The following USP16 variants were observed in gnomAD, a reference collection of about 807,000 sequenced individuals.
USP16 encodes the protein ubiquitin specific peptidase 16, also known as ubiquitin carboxyl-terminal hydrolase 16.
USP16 carries 77 observed loss-of-function variants against 95.9 expected under a neutral mutation model. The ratio of observed to expected loss-of-function variants is 0.80; its 90% confidence interval spans 0.67 to 0.97. The LOEUF (loss-of-function observed/expected upper bound fraction) is 0.97. USP16 is among the 50% of genes least tolerant of loss of function. The pLI is 0.00. For synonymous variants in USP16, 303 were observed against 318.2 expected (o/e 0.95, Z 0.51); for missense variants, 943 against 959.9 (o/e 0.98, Z 0.23).
chr21:29,043,377 G>C (rs745767880), intron 12 of USP16, 46 bp from the exon 13 acceptor site: 28 of 1,285,442 alleles, frequency 2.2e-5, no homozygotes. Context: ...TCACCAAATG[G>C]TAGTTGTAAA....
At position 29,047,118 on chromosome 21, in the gene USP16, C is replaced by T; in HGVS notation, c.1808C>T (p.Thr603Ile). Residue 603 changes from threonine (T) to isoleucine (I), a missense_variant, in exon 14 of 18, where the codon ACA becomes ATA. Transcript: ENST00000399976. ...CTGAATGATAGTCATACTCCTGGAACAAAGGTGTATGAGGTTGTAAATGAA... is the reference window on the plus strand; with the variant it reads ...CTGAATGATAGTCATACTCCTGGAATAAAGGTGTATGAGGTTGTAAATGAA... ...EILNDSHTPG[T>I]KVYEVVNEDP... The T allele has an allele frequency of 6.2e-7, 1 of 1,614,032 alleles. No individual in the cohort carries two copies. The highest frequency in any genetic ancestry group is 2.2e-5 in the East Asian group (1 of 44,868).
In USP16 at chr21:29,039,099, A is replaced by G. The variant is rs1355635636; in HGVS notation, c.806A>G (p.Gln269Arg). 6 of 1,589,282 alleles carry G rather than the reference A, an allele frequency of 3.8e-6. No homozygotes were observed. Among genetic ancestry groups the G allele is most frequent in the South Asian group, 2.3e-5 (2 of 87,898 alleles). The change falls in exon 8 of 18, where the codon CAA becomes CGA. Residue 269 changes from glutamine (Q) to arginine (R), a missense_variant. Transcript: ENST00000399976. ...ATGAGCCAGTTTCTTAATGAGATGC[A>G]AGAGACCAAAAAGGGGGTTGTGACA... Reference protein sequence around the residue: ...LAMSQFLNEMQETKKGVVTPK... With the variant: ...LAMSQFLNEMRETKKGVVTPK...
chr21:29,029,885 T>G (rs2085052916), intron 2 of USP16, among the ~76,000 whole-genome samples: 1 of 152,224 alleles, frequency 6.6e-6, no homozygotes, highest in Non-Finnish European at 1.5e-5. Flanking sequence ...AGTTTTCTCA[T>G]TTGTCATTGG....
Position 29,042,028 on chromosome 21 carries a change from A to G in USP16, c.1046A>G (p.Lys349Arg). 6.2e-7 allele frequency: 1 copy of G among 1,613,154 alleles called. No individual in the cohort carries two copies. Among genetic ancestry groups the G allele is most frequent in the South Asian group, 1.1e-5 (1 of 91,028 alleles). The part of the protein sequence containing the change: ...KNKVKDYEKK[K>R]SMPSFVDRIF... ...TTCTCCATAGATTATGAGAAGAAAA[A>G]ATCAATGCCAAGTTTTGTTGACCGC... Residue 349 changes from lysine (K) to arginine (R), a missense_variant, in exon 11 of 18, where the codon AAA becomes AGA. Lys to Arg is a conservative substitution (Grantham distance 26). Transcript: ENST00000399976.
In USP16 at chr21:29,048,826, C is replaced by T; in HGVS notation, c.2077C>T (p.Leu693Phe). Residue 693 changes from leucine to phenylalanine, a missense_variant, in exon 15 of 18, where the codon CTT (leucine) becomes TTT (phenylalanine). Leu to Phe is a conservative substitution (Grantham distance 22). Transcript: ENST00000399976. ...GCTAATTTCTCTTGCTCCTCCTGTT[C>T]TTACTCTTCATTTAAAGAGATTTCA... ...QMLISLAPPVLTLHLKRFQQA... is the reference protein window; with the variant it reads ...QMLISLAPPVFTLHLKRFQQA... 6.2e-7 allele frequency: 1 copy of T among 1,613,832 alleles called. No homozygotes were observed. The highest frequency in any genetic ancestry group is 8.5e-7 in the Non-Finnish European group (1 of 1,179,912).
intron 15 of USP16, among the ~76,000 whole-genome samples, chr21:29,049,662 C>T (rs984577902): frequency 2.1e-4 from 32 of 152,168 alleles, no homozygotes; most frequent in African/African-American, 5.8e-4. Context: ...CAGTCTCAAG[C>T]GATCCTCCCA....
At chr21:29,034,242 A>T (rs1358407004) in intron 3 of USP16, among the ~76,000 whole-genome samples, 1 of 151,748 alleles carries the variant, frequency 6.6e-6, no homozygotes, top group Non-Finnish European at 1.5e-5. Flanking sequence ...TGACTGCATT[A>T]GTGTGGTTTA....
chr21:29,052,498 G>A (rs1359797163), intron 16 of USP16: 1 of 152,134 alleles, frequency 6.6e-6, no homozygotes, highest in Non-Finnish European at 1.5e-5. Flanking sequence ...TCACTATCAA[G>A]AATAAGGATG....
At chr21:29,048,064 T>C (rs968991032) in intron 14 of USP16, among the ~76,000 whole-genome samples, 31 of 148,316 alleles carry the variant, frequency 2.1e-4, no homozygotes, top group African/African-American at 7.8e-4. Context: ...TGTGTGTGTG[T>C]GTGTGTGTGT....
chr21:29,047,066 C>T lies in USP16; in HGVS notation c.1756C>T (p.His586Tyr). 6.2e-7 allele frequency: 1 copy of T among 1,614,054 alleles called. No homozygotes were observed. Among genetic ancestry groups the T allele is most frequent in the Non-Finnish European group, 8.5e-7 (1 of 1,180,012 alleles). Reference sequence around the variant, plus strand: ...AAACCTAAATTTGAATGCTGCTCTTCATCCTGATGAAATAAATATAGAGAT... The same window carrying T: ...AAACCTAAATTTGAATGCTGCTCTTTATCCTGATGAAATAAATATAGAGAT... ...FKNLNLNAAL[H>Y]PDEINIEILN... Residue 586 changes from histidine (H) to tyrosine (Y), a missense_variant, in exon 14 of 18, where the codon CAT becomes TAT. Coordinates refer to ENST00000399976, the MANE Select transcript of USP16 (RefSeq NM_006447.3).
intron 13 of USP16, among the ~76,000 whole-genome samples, chr21:29,044,926 AGAAGAGG>A (rs1203684632): frequency 1.3e-5 from 2 of 152,114 alleles, no homozygotes; most frequent in African/African-American, 4.8e-5. Flanking sequence ...GTAAATTTTG[AGAAGAGG>A]GATTGCATTT....
chr21:29,032,851 CTG>C (rs1358563914), intron 3 of USP16, among the ~76,000 whole-genome samples: 2 of 152,090 alleles, frequency 1.3e-5, no homozygotes, highest in Non-Finnish European at 2.9e-5. Context: ...AACTGCCAAA[CTG>C]TTTTTTCACA....
At chr21:29,051,786 C>T (rs1253069457) in intron 16 of USP16, among the ~76,000 whole-genome samples, 5 of 151,462 alleles carry the variant, frequency 3.3e-5, no homozygotes, top group South Asian at 2.1e-4. Flanking sequence ...GCCGAGATTG[C>T]GTCACTGCAC....
chr21:29,044,236 C>T lies in USP16; in HGVS notation c.1356+637C>T, dbSNP rs530530015. Among the ~76,000 whole-genome samples the T allele has an allele frequency of 8.6e-5, 13 of 152,024 alleles. No individual in the cohort carries two copies. The South Asian group carries it at 2.7e-3, about 32-fold the overall frequency. The stretch of plus-strand genomic sequence containing the variant: ...GGCATGAGCCACCGCGCCCGGCCGA[C>T]CACCACTTTCCTTTTATGACAAAGA... On this transcript the variant is annotated intron_variant, in intron 13 of 17. Coordinates refer to ENST00000399976, the MANE Select transcript of USP16 (RefSeq NM_006447.3).
chr21:29,025,143 C>T (rs2084967731), intron 1 of USP16, among the ~76,000 whole-genome samples: 2 of 152,164 alleles, frequency 1.3e-5, no homozygotes, highest in Admixed American at 6.5e-5. Flanking sequence ...GTTCATACGG[C>T]TGGTAGGAAA....
chr21:29,024,898 C>G, intron 1 of USP16, 121 bp downstream of exon 1: 1 of 1,056,414 alleles, frequency 9.5e-7, no homozygotes, highest in South Asian at 1.6e-5. Flanking sequence ...AAGCACGTAA[C>G]CCGGCTACTT....
At chr21:29,038,935 C>T in intron 7 of USP16, 91 bp from the exon 8 acceptor site, 9 of 1,284,174 alleles carry the variant, frequency 7.0e-6, no homozygotes, top group Non-Finnish European at 6.1e-6. Flanking sequence ...CTGTCAGGAA[C>T]ATTGGTAGTA....
chr21:29,026,384 C>T (rs2084987215), intron 1 of USP16, among the ~76,000 whole-genome samples: 1 of 143,728 alleles, frequency 7.0e-6, no homozygotes, highest in South Asian at 2.2e-4. Flanking sequence ...TGAACCCGGG[C>T]GGCAGAGGTT....
At chr21:29,034,302 CTTTT>C (rs575549987) in intron 3 of USP16, among the ~76,000 whole-genome samples, 1 of 136,348 alleles carries the variant, frequency 7.3e-6, no homozygotes, top group Non-Finnish European at 1.6e-5. Flanking sequence ...GCATGGTTTT[CTTTT>C]TTTTTTTTTT....
Sources: gnomAD v4.1 joint callset for allele counts (sites outside exome capture counted in the v4.1 genomes callset) on GRCh38, gnomAD v4.1.1 for gene constraint, MANE v1.5 for transcripts, NCBI Gene and HGNC (gene_info 2026-07-23, HGNC 2026-07-21) for gene names.